Variants in BPTF observed in about 807,000 individuals in gnomAD.
The protein encoded by BPTF is bromodomain PHD finger transcription factor.
BPTF carries 18 observed loss-of-function variants against 292.5 expected under a neutral mutation model. The observed-to-expected ratio is 0.06, with a 90% CI of 0.04 to 0.09. The LOEUF is 0.09. Among genes scored for constraint, BPTF ranks in the 10% least tolerant of loss-of-function variants. The pLI, the probability that BPTF is intolerant of heterozygous loss-of-function variation, is 1.00. For missense variants in BPTF, 2,726 were observed against 3,498.7 expected, an observed-to-expected ratio of 0.78 and a Z score of 5.57; for synonymous variants, 1,225 against 1,251.9, an observed-to-expected ratio of 0.98 and a Z score of 0.45.
chr17:67,921,572 A>G (rs1008886969), intron 13 of BPTF, among the ~76,000 whole-genome samples: 3 of 152,154 alleles, frequency 2.0e-5, no homozygotes, highest in African/African-American at 7.2e-5. Flanking sequence ...TAATGTCCTT[A>G]GATAGAAACG....
chr17:67,948,593 A>G (rs1209916219), intron 23 of BPTF, among the ~76,000 whole-genome samples: 1 of 152,236 alleles, frequency 6.6e-6, no homozygotes, highest in Non-Finnish European at 1.5e-5. Context: ...TGTCTATGAC[A>G]TAGTCTAGCC....
chr17:67,945,778 C>T lies in BPTF; in HGVS notation c.7070C>T (p.Ser2357Phe). The change falls in exon 21 of 28, where the codon TCC becomes TTC. Residue 2357 changes from serine to phenylalanine, a missense_variant. Around this residue, in one of 22 missense-constraint regions of BPTF, gnomAD observed 570 missense variants for 633.5 expected, o/e 0.90. Transcript: ENST00000306378. Reference sequence around the variant, plus strand: ...ACTCGAATACGTCCATCAACTCCATCCCAACTGTCTCCTGGACAACAATCC... The same window carrying T: ...ACTCGAATACGTCCATCAACTCCATTCCAACTGTCTCCTGGACAACAATCC... ...SQTRIRPSTP[S>F]QLSPGQQSQV... 1 of 1,614,200 alleles carries T rather than the reference C, an allele frequency of 6.2e-7. No homozygotes were observed. The highest frequency in any genetic ancestry group is 8.5e-7 in the Non-Finnish European group (1 of 1,180,032).
At chr17:67,842,817 C>CAAAAAAAAAAAAAAAAAAA (rs60085248) in intron 1 of BPTF, among the ~76,000 whole-genome samples, 2 of 47,800 alleles carry the variant, frequency 4.2e-5, no homozygotes, top group African/African-American at 1.5e-4. Context: ...CAATTAAGGC[C>CAAAAAAAAAAAAAAAAAAA]AAAAAAAAAA....
intron 12 of BPTF, 36 bp from the exon 13 acceptor site, chr17:67,919,979 G>A: frequency 6.4e-7 from 1 of 1,574,270 alleles, no homozygotes; most frequent in Non-Finnish European, 8.7e-7. Context: ...GAGTATTTCA[G>A]TTGGTTATTA....
chr17:67,953,735 C>A (rs1480958721), intron 23 of BPTF, among the ~76,000 whole-genome samples: 1 of 151,438 alleles, frequency 6.6e-6, no homozygotes, highest in South Asian at 2.1e-4. Flanking sequence ...ACCACCATGC[C>A]CAGCTAATTT....
intron 4 of BPTF, among the ~76,000 whole-genome samples, chr17:67,883,853 C>G (rs1314649906): frequency 6.6e-6 from 1 of 152,144 alleles, no homozygotes; most frequent in African/African-American, 2.4e-5. Context: ...CCTGCCTTGG[C>G]CTCCCAAAGT....
At chr17:67,869,474 C>T (rs1280762330) in intron 3 of BPTF, among the ~76,000 whole-genome samples, 3 of 151,908 alleles carry the variant, frequency 2.0e-5, no homozygotes, top group Non-Finnish European at 2.9e-5. Flanking sequence ...TAGAACACTG[C>T]GTATTGGAGA....
chr17:67,973,268 A>G (rs1423973329), intron 26 of BPTF, among the ~76,000 whole-genome samples: 2 of 150,352 alleles, frequency 1.3e-5, no homozygotes, highest in Admixed American at 1.3e-4. Flanking sequence ...TAGCTACTCC[A>G]GAGGCTGAGG....
intron 9 of BPTF, among the ~76,000 whole-genome samples, chr17:67,907,716 AAAAT>A (rs781486673): frequency 6.6e-6 from 1 of 152,082 alleles, no homozygotes; most frequent in Non-Finnish European, 1.5e-5. Context: ...GCAGTGTTTT[AAAAT>A]AAATCCCAGA....
chr17:67,869,309 T>C (rs2059570115), intron 3 of BPTF, among the ~76,000 whole-genome samples: 1 of 152,190 alleles, frequency 6.6e-6, no homozygotes, highest in African/African-American at 2.4e-5. Flanking sequence ...ATTTTCTGTG[T>C]GTTAGATTAT....
At chr17:67,934,697 C>T (rs2064755315) in intron 18 of BPTF, among the ~76,000 whole-genome samples, 1 of 151,198 alleles carries the variant, frequency 6.6e-6, no homozygotes, top group African/African-American at 2.4e-5. Context: ...CATGGTGAAA[C>T]CCCGCCTGTA....
At chr17:67,925,537 A>G (rs1372348815) in intron 15 of BPTF, among the ~76,000 whole-genome samples, 1 of 152,170 alleles carries the variant, frequency 6.6e-6, no homozygotes, top group Non-Finnish European at 1.5e-5. Flanking sequence ...ATAAAAATAC[A>G]ATGTGCCATA....
intron 24 of BPTF, 22 bp downstream of exon 24, chr17:67,959,897 C>G: frequency 6.8e-7 from 1 of 1,469,512 alleles, no homozygotes; most frequent in Non-Finnish European, 9.1e-7. Flanking sequence ...TTTTTGAGCT[C>G]TAGTTTTTTG....
chr17:67,874,541 T>C (rs1382118478), intron 3 of BPTF, among the ~76,000 whole-genome samples: 4 of 152,192 alleles, frequency 2.6e-5, no homozygotes, highest in Admixed American at 2.0e-4. Context: ...ATATCAAGGC[T>C]ATATTTTAAA....
chr17:67,897,341 C>CAAAAAAAAAAAAAAAAAAAAAA (rs750678904), intron 7 of BPTF, among the ~76,000 whole-genome samples: 2 of 17,766 alleles, frequency 1.1e-4, no homozygotes, highest in Non-Finnish European at 2.2e-4. Flanking sequence ...AACTCTGTCT[C>CAAAAAAAAAAAAAAAAAAAAAA]AAAAAAAAAA....
At chr17:67,857,771 A>G (rs1222065613) in intron 2 of BPTF, among the ~76,000 whole-genome samples, 1 of 148,426 alleles carries the variant, frequency 6.7e-6, no homozygotes, top group African/African-American at 2.5e-5. Flanking sequence ...CTAGACTAAC[A>G]ATATTTCTTT....
chr17:67,918,908 C>T (rs2063234061), intron 12 of BPTF, 70 bp downstream of exon 12: 3 of 1,528,688 alleles, frequency 2.0e-6, no homozygotes, highest in Admixed American at 1.8e-5. Flanking sequence ...CGTGGGCGCT[C>T]ATGCCTGTAA....
chr17:67,953,955 TCTTTTC>T (rs2066649226), intron 23 of BPTF, among the ~76,000 whole-genome samples: 1 of 135,292 alleles, frequency 7.4e-6, no homozygotes, highest in Non-Finnish European at 1.6e-5. Context: ...CTTTTTCTTT[TCTTTTC>T]TTTTTTTTTT....
chr17:67,941,098 G>C (rs1555671779), intron 19 of BPTF, among the ~76,000 whole-genome samples: 1 of 152,242 alleles, frequency 6.6e-6, no homozygotes, highest in African/African-American at 2.4e-5. Context: ...AAAGTATTAA[G>C]AATATCTGTA....
Sources: allele counts gnomAD v4.1 joint callset (sites outside exome capture counted in the v4.1 genomes callset), GRCh38; gene constraint gnomAD v4.1.1; regional missense constraint gnomAD v4.1.1; transcripts MANE v1.5; gene names NCBI Gene and HGNC (gene_info 2026-07-23, HGNC 2026-07-21).